Variants in CYTH1 observed in about 807,000 individuals in gnomAD.
CYTH1 encodes cytohesin-1.
CYTH1 carries 18 observed loss-of-function variants against 61.8 expected under a neutral mutation model. That is an observed-to-expected ratio of 0.29 (90% CI 0.20 to 0.43). The LOEUF (loss-of-function observed/expected upper bound fraction) is 0.43. Ranked by LOEUF, CYTH1 falls within the 20% of genes least tolerant of loss-of-function variation. CYTH1 has a pLI of 1.00. For synonymous variants in CYTH1, 174 were observed against 184.3 expected (o/e 0.94, Z 0.45); for missense variants, 336 against 510.5 (o/e 0.66, Z 3.29).
chr17:78,760,544 T>C (rs1185205633), intron 1 of CYTH1, among the ~76,000 whole-genome samples: 2 of 45,138 alleles, frequency 4.4e-5, no homozygotes, highest in South Asian at 5.9e-4. Flanking sequence ...TACATATATA[T>C]GTATATATAT....
intron 1 of CYTH1, among the ~76,000 whole-genome samples, chr17:78,773,905 C>T (rs1242916608): frequency 6.6e-6 from 1 of 152,018 alleles, no homozygotes; most frequent in Admixed American, 6.6e-5. Context: ...AAGAGTTAAC[C>T]TAAGTTAAGT....
At chr17:78,741,114 T>C (rs1415784911) in intron 1 of CYTH1, among the ~76,000 whole-genome samples, 1 of 152,246 alleles carries the variant, frequency 6.6e-6, no homozygotes, top group Non-Finnish European at 1.5e-5. Context: ...TAGGCCATTT[T>C]GATGCAAGTG....
At chr17:78,763,647 A>AT (rs1441491680) in intron 1 of CYTH1, among the ~76,000 whole-genome samples, 1 of 152,222 alleles carries the variant, frequency 6.6e-6, no homozygotes, top group Non-Finnish European at 1.5e-5. Flanking sequence ...ATATGCTGTA[A>AT]TAAGAGTTAC....
chr17:78,701,901 C>A, intron 5 of CYTH1, 150 bp from the exon 6 acceptor site: 1 of 814,018 alleles, frequency 1.2e-6, no homozygotes, highest in South Asian at 1.6e-5. Context: ...CGCAAGAAGA[C>A]TGGCTAGCTC....
At position 78,675,898 on chromosome 17, in the gene CYTH1, T is replaced by A. The variant is rs1320854479; in HGVS notation, c.*193A>T. 2.0e-6 allele frequency: 3 copies of A among 1,507,544 alleles called. No individual in the cohort carries two copies. In the East Asian group the frequency reaches 7.4e-5, roughly 37 times the overall value. The allele number at this position is 1,507,544 out of a possible 1,614,324, so 93.4% of individuals were successfully genotyped here. A position where few individuals can be genotyped will look rare whatever the true frequency, so the allele number is the denominator to read the frequency against. ...GAGCCCATGCTGGACAGGTGGCCGG[T>A]CCTCTCTTCCCCAGTGATAACTGCC... On this transcript the variant is annotated 3_prime_UTR_variant, in exon 14 of 14. Transcript: ENST00000446868.
At chr17:78,739,532 A>C (rs2144631603) in intron 1 of CYTH1, among the ~76,000 whole-genome samples, 1 of 152,182 alleles carries the variant, frequency 6.6e-6, no homozygotes, top group East Asian at 1.9e-4. Context: ...GGAGTGGAAG[A>C]TATGGTCGCA....
intron 1 of CYTH1, among the ~76,000 whole-genome samples, chr17:78,774,033 AC>A (rs2093481792): frequency 6.6e-6 from 1 of 152,150 alleles, no homozygotes. Flanking sequence ...TTTTGTAACC[AC>A]CAAATTCAGT....
chr17:78,686,748 C>T (rs979763203), intron 11 of CYTH1, among the ~76,000 whole-genome samples: 7 of 152,038 alleles, frequency 4.6e-5, no homozygotes, highest in Non-Finnish European at 7.4e-5. Context: ...CGGGATGATT[C>T]GAGCACATTA....
chr17:78,726,107 G>A (rs988018752), intron 1 of CYTH1, among the ~76,000 whole-genome samples: 1 of 148,026 alleles, frequency 6.8e-6, no homozygotes, highest in Non-Finnish European at 1.5e-5. Flanking sequence ...GCAGTGGCGC[G>A]ATCTCGGCTC....
intron 1 of CYTH1, among the ~76,000 whole-genome samples, chr17:78,737,324 T>C (rs1026166633): frequency 1.6e-4 from 24 of 152,236 alleles, no homozygotes; most frequent in Non-Finnish European, 8.8e-5. Flanking sequence ...TGTTATGCTA[T>C]ATTGTTTAAA....
At chr17:78,768,223 T>C (rs1422514105) in intron 1 of CYTH1, among the ~76,000 whole-genome samples, 1 of 152,034 alleles carries the variant, frequency 6.6e-6, no homozygotes, top group Non-Finnish European at 1.5e-5. Context: ...ACCTGAAGAG[T>C]TATATACATT....
At chr17:78,704,143 A>C (rs1427397194) in intron 3 of CYTH1, among the ~76,000 whole-genome samples, 1 of 152,136 alleles carries the variant, frequency 6.6e-6, no homozygotes, top group Non-Finnish European at 1.5e-5. Context: ...TTATACATAC[A>C]CGTCACCTGG....
intron 1 of CYTH1, among the ~76,000 whole-genome samples, chr17:78,734,210 C>T (rs2093309114): frequency 1.3e-5 from 2 of 151,482 alleles, no homozygotes; most frequent in African/African-American, 4.9e-5. Context: ...AGATTGCACT[C>T]CAGCCTCGGC....
intron 1 of CYTH1, among the ~76,000 whole-genome samples, chr17:78,761,611 A>G (rs1049805418): frequency 6.9e-4 from 105 of 152,090 alleles, no homozygotes; most frequent in Middle Eastern, 3.4e-3. Context: ...GGTGGCGGGC[A>G]CCTGTAGTCC....
At chr17:78,756,447 AGAAG>A (rs2093401665) in intron 1 of CYTH1, among the ~76,000 whole-genome samples, 1 of 152,126 alleles carries the variant, frequency 6.6e-6, no homozygotes, top group Non-Finnish European at 1.5e-5. Context: ...TAAAACAAGG[AGAAG>A]GAACCTGAAA....
chr17:78,777,758 G>A (rs935475619), intron 1 of CYTH1, among the ~76,000 whole-genome samples: 11 of 150,310 alleles, frequency 7.3e-5, no homozygotes, highest in Admixed American at 4.0e-4. Flanking sequence ...AGGCTGAGGC[G>A]GGCAGATCAC....
chr17:78,720,609 G>A (rs2093219935), intron 1 of CYTH1, among the ~76,000 whole-genome samples: 1 of 151,982 alleles, frequency 6.6e-6, no homozygotes, highest in Non-Finnish European at 1.5e-5. Flanking sequence ...GTGAGCCATC[G>A]CACCCAGCCA....
intron 1 of CYTH1, among the ~76,000 whole-genome samples, chr17:78,715,012 T>C (rs1231134878): frequency 2.0e-5 from 3 of 152,154 alleles, no homozygotes; most frequent in Non-Finnish European, 4.4e-5. Context: ...AGTTGGGGCA[T>C]TCCTGTAGAA....
chr17:78,738,314 T>C (rs2093329164), intron 1 of CYTH1, among the ~76,000 whole-genome samples: 5 of 152,226 alleles, frequency 3.3e-5, no homozygotes, highest in Admixed American at 1.3e-4. Flanking sequence ...CCCAGAGACG[T>C]TGCATGGCTT....
Sources: allele counts gnomAD v4.1 joint callset (sites outside exome capture counted in the v4.1 genomes callset), GRCh38; gene constraint gnomAD v4.1.1; transcripts MANE v1.5; gene names NCBI Gene and HGNC (gene_info 2026-07-23, HGNC 2026-07-21).